The following METTL15 variants were observed in gnomAD, a reference collection of about 807,000 sequenced individuals.
METTL15 encodes the protein 12S rRNA N(4)-cytidine methyltransferase METTL15.
METTL15 carries 34 observed loss-of-function variants against 38.3 expected under a neutral mutation model. The observed-to-expected ratio is 0.89, with a 90% CI of 0.68 to 1.18. The LOEUF (loss-of-function observed/expected upper bound fraction) is 1.18, where lower values mean the gene tolerates loss of function less well. Among genes scored for constraint, METTL15 ranks in the 50% most tolerant of loss-of-function variants. The pLI, the probability that METTL15 is intolerant of heterozygous loss-of-function variation, is 0.00. For missense variants in METTL15, 438 were observed against 498.4 expected (o/e 0.88, Z 1.15); for synonymous variants, 162 against 170.9 (o/e 0.95, Z 0.41).
intron 3 of METTL15, among the ~76,000 whole-genome samples, chr11:28,122,993 A>G (rs1293936117): frequency 1.3e-5 from 2 of 152,170 alleles, no homozygotes; most frequent in African/African-American, 4.8e-5. Context: ...CATAGTTGAT[A>G]AAAATGTTAC....
intron 6 of METTL15, among the ~76,000 whole-genome samples, chr11:28,496,608 A>G (rs1347040335): frequency 6.6e-6 from 1 of 152,218 alleles, no homozygotes; most frequent in Non-Finnish European, 1.5e-5. Flanking sequence ...CTGTGGATAT[A>G]TGGGACTCAG....
chr11:28,379,571 A>T (rs536404379), intron 5 of METTL15, among the ~76,000 whole-genome samples: 1 of 152,268 alleles, frequency 6.6e-6, no homozygotes, highest in East Asian at 1.9e-4. Context: ...ATCAGAAAAG[A>T]TACTTTATAT....
intron 6 of METTL15, among the ~76,000 whole-genome samples, chr11:28,476,007 A>G (rs1590387726): frequency 6.6e-6 from 1 of 152,258 alleles, no homozygotes; most frequent in South Asian, 2.1e-4. Context: ...GCTGAGCTTA[A>G]TGCACAGCAC....
intron 4 of METTL15, among the ~76,000 whole-genome samples, chr11:28,355,170 C>G (rs954614316): frequency 6.6e-6 from 1 of 152,166 alleles, no homozygotes; most frequent in African/African-American, 2.4e-5. Flanking sequence ...CCCTTTATCC[C>G]AACTTGTATT....
intron 5 of METTL15, among the ~76,000 whole-genome samples, chr11:28,398,383 G>A (rs1850595931): frequency 6.6e-6 from 1 of 152,072 alleles, no homozygotes; most frequent in African/African-American, 2.4e-5. Flanking sequence ...GCTGGCATGA[G>A]ATGATATCTC....
At chr11:28,304,425 A>G (rs1476994358) in intron 6 of METTL15, among the ~76,000 whole-genome samples, 1 of 152,184 alleles carries the variant, frequency 6.6e-6, no homozygotes, top group East Asian at 1.9e-4. Context: ...GATAATGATA[A>G]GATAAAATTT....
At chr11:28,208,159 A>G (rs192985940) in intron 3 of METTL15, among the ~76,000 whole-genome samples, 1 of 152,022 alleles carries the variant, frequency 6.6e-6, no homozygotes, top group African/African-American at 2.4e-5. Context: ...TAACTTTTGA[A>G]TGTGTTTGCT....
In METTL15 at chr11:28,262,054, A is replaced by G. The variant is rs993864773; in HGVS notation, c.408-28152A>G. Among the ~76,000 whole-genome samples, 4 of 152,140 alleles carry G rather than the reference A, an allele frequency of 2.6e-5. No individual in the cohort carries two copies. The East Asian group carries it at 7.7e-4, about 29-fold the overall frequency. On this transcript the variant is annotated intron_variant, in intron 4 of 6. Transcript: ENST00000407364. ...TAAAGTCTACTCTTAAACCACTGTAATGTCTTGCCTATTAGAAGAACACTT... is the reference window on the plus strand; with the variant it reads ...TAAAGTCTACTCTTAAACCACTGTAGTGTCTTGCCTATTAGAAGAACACTT...
At chr11:28,375,912 A>G in intron 5 of METTL15, among the ~76,000 whole-genome samples, 2 of 151,570 alleles carry the variant, frequency 1.3e-5, no homozygotes. Context: ...TTCTGCCTTC[A>G]TTTCGTTATG....
intron 4 of METTL15, among the ~76,000 whole-genome samples, chr11:28,236,054 A>G (rs1257824589): frequency 6.6e-6 from 1 of 152,108 alleles, no homozygotes; most frequent in East Asian, 1.9e-4. Context: ...TTCTGCATGT[A>G]TTGAGATAAT....
intron 5 of METTL15, among the ~76,000 whole-genome samples, chr11:28,391,894 C>G (rs1277088630): frequency 6.6e-6 from 1 of 152,208 alleles, no homozygotes; most frequent in Non-Finnish European, 1.5e-5. Flanking sequence ...CCATTCAGGA[C>G]ATAGACATGG....
chr11:28,348,036 C>T, intron 3 of METTL15, among the ~76,000 whole-genome samples: 1 of 152,140 alleles, frequency 6.6e-6, no homozygotes, highest in East Asian at 1.9e-4. Flanking sequence ...TTTTCATTAC[C>T]ATCCTATGAG....
At chr11:28,308,913 TAGA>T (rs1188497101) in intron 6 of METTL15, among the ~76,000 whole-genome samples, 1 of 151,766 alleles carries the variant, frequency 6.6e-6, no homozygotes, top group Non-Finnish European at 1.5e-5. Flanking sequence ...GATAGATAGA[TAGA>T]TAGATAGATA....
intron 3 of METTL15, among the ~76,000 whole-genome samples, chr11:28,120,140 G>C (rs959710362): frequency 2.0e-5 from 3 of 151,852 alleles, no homozygotes; most frequent in Non-Finnish European, 2.9e-5. Context: ...TTTTAGTAGA[G>C]ACAGGGTTTC....
At chr11:28,517,056 C>T (rs1851725382) in intron 6 of METTL15, 1 of 152,244 alleles carries the variant, frequency 6.6e-6, no homozygotes, top group Non-Finnish European at 1.5e-5. Context: ...AACATTTCAT[C>T]TCTCTGTTGC....
intron 5 of METTL15, among the ~76,000 whole-genome samples, chr11:28,409,243 G>A (rs567338017): frequency 2.6e-5 from 4 of 151,802 alleles, no homozygotes; most frequent in African/African-American, 7.2e-5. Context: ...TTAGCCTGGC[G>A]GGGTGACAGG....
intron 4 of METTL15, among the ~76,000 whole-genome samples, chr11:28,233,688 A>G (rs1465720533): frequency 6.6e-6 from 1 of 152,038 alleles, no homozygotes; most frequent in Non-Finnish European, 1.5e-5. Context: ...GGAGTCAGTC[A>G]CTCAGCTAAC....
At chr11:28,401,240 C>T (rs1036138223) in intron 5 of METTL15, among the ~76,000 whole-genome samples, 2 of 151,952 alleles carry the variant, frequency 1.3e-5, no homozygotes, top group Non-Finnish European at 2.9e-5. Context: ...ATCATTATGA[C>T]TTGCCTGGAG....
chr11:28,487,672 G>A (rs1185108236), intron 6 of METTL15, among the ~76,000 whole-genome samples: 2 of 151,964 alleles, frequency 1.3e-5, no homozygotes, highest in Admixed American at 1.3e-4. Context: ...AGAAACAATT[G>A]CTTAGAAGGT....
Sources: allele counts gnomAD v4.1 joint callset (sites outside exome capture counted in the v4.1 genomes callset), GRCh38; gene constraint gnomAD v4.1.1; transcripts MANE v1.5; gene names NCBI Gene and HGNC (gene_info 2026-07-23, HGNC 2026-07-21).